SIRPG: variants seen among roughly 807,000 people sequenced by gnomAD.
The protein encoded by SIRPG is signal-regulatory protein gamma.
SIRPG carries 38 observed loss-of-function variants against 35.7 expected under a neutral mutation model. The observed-to-expected ratio is 1.06, with a 90% CI of 0.82 to 1.40. The LOEUF (loss-of-function observed/expected upper bound fraction) is 1.40. Ranked by LOEUF, SIRPG falls within the 40% of genes most tolerant of loss-of-function variation. The pLI, the probability that SIRPG is intolerant of heterozygous loss-of-function variation, is 0.00. For synonymous variants in SIRPG, 215 were observed against 190.4 expected (o/e 1.13, Z -1.06); for missense variants, 519 against 483.0 (o/e 1.07, Z -0.70).
chr20:1,649,277 C>A lies in SIRPG; in HGVS notation c.205G>T (p.Gly69Ter). Residue 69 changes from glycine to a stop codon, truncating the protein, a stop_gained, in exon 2 of 6, where the codon GGA becomes TGA. Coordinates refer to ENST00000303415, the MANE Select transcript of SIRPG (RefSeq NM_018556.4). LOFTEE classifies it high-confidence loss of function. Reference sequence around the variant, plus strand: ...ATTAATTCCCGGCCTGGTCCAACTCCTCTGAACCACAGGACGGGTCCCACG... The same window carrying A: ...ATTAATTCCCGGCCTGGTCCAACTCATCTGAACCACAGGACGGGTCCCACG... Reference protein sequence around the residue: ...LPVGPVLWFRGVGPGRELIYN... With the variant: ...LPVGPVLWFR 1 of 1,614,154 alleles carries A rather than the reference C, an allele frequency of 6.2e-7. No homozygotes were observed. Among genetic ancestry groups the A allele is most frequent in the East Asian group, 2.2e-5 (1 of 44,880 alleles).
At chr20:1,663,959 CTG>C in the SIRPG span, among the ~76,000 whole-genome samples, 1 of 152,192 alleles carries the variant, frequency 6.6e-6, no homozygotes, top group South Asian at 2.1e-4. Flanking sequence ...GTTCTGCAGA[CTG>C]TACAAGAGCA....
chr20:1,636,304 G>T lies in SIRPG; in HGVS notation c.632C>A (p.Ala211Asp). Reference protein sequence around the residue: ...QSVAYSIRSTARVVLDPWDVR... With the variant: ...QSVAYSIRSTDRVVLDPWDVR... Reference sequence around the variant, plus strand: ...GTCCCAGGGGTCCAGTACCACCCTGGCTGTGCTGCGGATGCTGTAGGCCAC... The same window carrying T: ...GTCCCAGGGGTCCAGTACCACCCTGTCTGTGCTGCGGATGCTGTAGGCCAC... Residue 211 changes from alanine (A) to aspartate (D), a missense_variant, in exon 3 of 6, where the codon GCC (alanine) becomes GAC (aspartate). By Grantham distance (126) the Ala-to-Asp change is moderately radical. Transcript: ENST00000303415. 1 of 1,614,224 alleles carries T rather than the reference G, an allele frequency of 6.2e-7. No individual in the cohort carries two copies. The highest frequency in any genetic ancestry group is 8.5e-7 in the Non-Finnish European group (1 of 1,180,032).
intron 2 of SIRPG, among the ~76,000 whole-genome samples, chr20:1,642,130 C>T (rs531380412): frequency 6.6e-6 from 1 of 152,308 alleles, no homozygotes; most frequent in Non-Finnish European, 1.5e-5. Context: ...GAGCTGAGTT[C>T]AAGCCCTGAA....
the SIRPG span, among the ~76,000 whole-genome samples, chr20:1,674,476 G>A: frequency 0.013 from 2,046 of 152,190 alleles, 20 homozygotes; most frequent in Non-Finnish European, 0.021. Context: ...CAACAGGTGC[G>A]GACACTGAGA....
At chr20:1,652,619 C>G (rs2091947956) in intron 1 of SIRPG, among the ~76,000 whole-genome samples, 1 of 152,148 alleles carries the variant, frequency 6.6e-6, no homozygotes, top group South Asian at 2.1e-4. Context: ...ACATGATCAT[C>G]TATTTTGATG....
At chr20:1,668,187 CTTTT>C in the SIRPG span, among the ~76,000 whole-genome samples, 1 of 49,864 alleles carries the variant, frequency 2.0e-5, no homozygotes. Flanking sequence ...TTCTTTCTTT[CTTTT>C]TCTTTTCTTT....
intron 5 of SIRPG, 127 bp downstream of exon 5, chr20:1,630,095 C>T: frequency 1.4e-6 from 1 of 719,154 alleles, no homozygotes; most frequent in South Asian, 1.6e-5. Flanking sequence ...TTCCCCAAGA[C>T]TTCCGAGGGT....
intron 2 of SIRPG, among the ~76,000 whole-genome samples, chr20:1,642,149 T>G (rs1466577523): frequency 1.3e-5 from 2 of 152,334 alleles, no homozygotes; most frequent in East Asian, 3.9e-4. Flanking sequence ...AATATCCTTA[T>G]TAATTTTCTG....
chr20:1,674,597 C>T, the SIRPG span, among the ~76,000 whole-genome samples: 32 of 152,320 alleles, frequency 2.1e-4, no homozygotes, highest in African/African-American at 7.0e-4. Flanking sequence ...CACTGTTCTG[C>T]GGAAGCTCAG....
At chr20:1,684,381 C>T in the SIRPG span, among the ~76,000 whole-genome samples, 1 of 139,070 alleles carries the variant, frequency 7.2e-6, no homozygotes, top group East Asian at 2.0e-4. Flanking sequence ...TGTATGTACA[C>T]TTATAGTCAC....
the SIRPG span, among the ~76,000 whole-genome samples, chr20:1,668,247 CTTTTTCTTTTTCTTTTTCT>C: frequency 3.6e-5 from 2 of 55,442 alleles, no homozygotes; most frequent in Non-Finnish European, 4.1e-5. Flanking sequence ...TTCTTTCTTT[CTTTTTCTTTTTCTTTTTCT>C]TTTCTTTCTT....
At position 1,636,230 on chromosome 20, in the gene SIRPG, C is replaced by T. The variant is rs1316345736; in HGVS notation, c.706G>A (p.Asp236Asn). Reference sequence around the variant, plus strand: ...AAGTTGGCAGTCCCACGAAGAGGGTCCCCCTGCAAGGTGACATGGGCCACC... The same window carrying T: ...AAGTTGGCAGTCCCACGAAGAGGGTTCCCCTGCAAGGTGACATGGGCCACC... ...CEVAHVTLQG[D>N]PLRGTANLSE... Residue 236 changes from aspartate (D) to asparagine (N), a missense_variant, in exon 3 of 6, where the codon GAC becomes AAC. Coordinates refer to ENST00000303415, the MANE Select transcript of SIRPG (RefSeq NM_018556.4). 2 of 1,614,176 alleles carry T rather than the reference C, an allele frequency of 1.2e-6. No homozygotes were observed. The highest frequency in any genetic ancestry group is 1.1e-5 in the South Asian group (1 of 91,080).
intron 2 of SIRPG, chr20:1,647,120 CA>C (rs11476974): frequency 0.44 from 67,147 of 152,056 alleles, 16,653 homozygotes; most frequent in East Asian, 0.84. Context: ...ACCTGCTCAC[CA>C]CTCAGATCTC....
the SIRPG span, among the ~76,000 whole-genome samples, chr20:1,675,261 G>A: frequency 3.9e-5 from 6 of 152,112 alleles, no homozygotes; most frequent in African/African-American, 7.2e-5. Flanking sequence ...CAGGAGGCCC[G>A]ACTTTGCTCC....
At chr20:1,639,831 C>T (rs1291225910) in intron 2 of SIRPG, among the ~76,000 whole-genome samples, 3 of 152,182 alleles carry the variant, frequency 2.0e-5, no homozygotes, top group African/African-American at 7.2e-5. Flanking sequence ...TTTCAGTTTT[C>T]TGCATATGGC....
the SIRPG span, among the ~76,000 whole-genome samples, chr20:1,680,875 C>T: frequency 1.3e-5 from 2 of 152,148 alleles, no homozygotes; most frequent in African/African-American, 4.8e-5. Flanking sequence ...GTCTAATTTA[C>T]TATTTTATTT....
Position 1,635,376 on chromosome 20 carries a change from A to T in SIRPG, c.972T>A (p.Asp324Glu), listed in dbSNP as rs749290871. The T allele has an allele frequency of 1.2e-6, 2 of 1,614,020 alleles. No individual in the cohort carries two copies. The highest frequency in any genetic ancestry group is 2.7e-5 in the African/African-American group (2 of 74,906). Reference protein sequence around the residue: ...FLVNISDQRDDVVLTCQVKHD... With the variant: ...FLVNISDQRDEVVLTCQVKHD... ...GCTTCACCTGGCAGGTGAGGACCAC[A>T]TCATCCCTTTGGTCAGATATGTTCA... Residue 324 changes from aspartate (D) to glutamate (E), a missense_variant, in exon 4 of 6, where the codon GAT becomes GAA. By Grantham distance (45) the Asp-to-Glu change is conservative (BLOSUM62 2). Coordinates refer to ENST00000303415, the MANE Select transcript of SIRPG (RefSeq NM_018556.4).
intron 1 of SIRPG, among the ~76,000 whole-genome samples, chr20:1,650,221 A>T (rs1262711436): frequency 6.6e-6 from 1 of 151,704 alleles, no homozygotes; most frequent in East Asian, 1.9e-4. Context: ...TGTCCTTCTC[A>T]AAGAATTAAT....
At chr20:1,638,359 A>G (rs189039643) in intron 2 of SIRPG, 1 of 152,212 alleles carries the variant, frequency 6.6e-6, no homozygotes, top group Admixed American at 6.5e-5. Context: ...TATGGCTGTT[A>G]TCAAGAGGTT....
Sources: gnomAD v4.1 joint callset for allele counts (sites outside exome capture counted in the v4.1 genomes callset) on GRCh38, gnomAD v4.1.1 for gene constraint, MANE v1.5 for transcripts, NCBI Gene and HGNC (gene_info 2026-07-23, HGNC 2026-07-21) for gene names.